The following MBNL2 variants were observed in gnomAD, a reference collection of about 807,000 sequenced individuals.
MBNL2 encodes muscleblind like splicing regulator 2.
MBNL2 carries 17 observed loss-of-function variants against 41.9 expected under a neutral mutation model. The observed-to-expected ratio is 0.41, with a 90% CI of 0.28 to 0.61. The LOEUF is 0.61. Ranked by LOEUF, MBNL2 falls within the 20% of genes least tolerant of loss-of-function variation. MBNL2 has a pLI of 0.35. For synonymous variants in MBNL2, 195 were observed against 182.9 expected, an observed-to-expected ratio of 1.07 and a Z score of -0.53; for missense variants, 336 against 505.6, an observed-to-expected ratio of 0.66 and a Z score of 3.22.
intron 8 of MBNL2, among the ~76,000 whole-genome samples, chr13:97,368,286 C>A (rs1030806338): frequency 6.6e-6 from 1 of 151,998 alleles, no homozygotes; most frequent in East Asian, 1.9e-4. Flanking sequence ...GGGTGCCATA[C>A]ACTGTAGTCC....
chr13:97,176,245 C>T, the MBNL2 span, among the ~76,000 whole-genome samples: 81 of 152,184 alleles, frequency 5.3e-4, 4 homozygotes, highest in South Asian at 0.014. Flanking sequence ...CTGTATAGTA[C>T]CCCTGGCATT....
At chr13:97,344,808 T>C (rs556288250) in intron 4 of MBNL2, among the ~76,000 whole-genome samples, 5 of 152,228 alleles carry the variant, frequency 3.3e-5, no homozygotes, top group Non-Finnish European at 7.3e-5. Flanking sequence ...GGGAACAAAT[T>C]GTCCTTCTCA....
At chr13:97,262,089 C>T (rs549139866) in intron 1 of MBNL2, among the ~76,000 whole-genome samples, 19 of 152,350 alleles carry the variant, frequency 1.2e-4, no homozygotes, top group Non-Finnish European at 2.2e-4. Flanking sequence ...TTAAAACTCT[C>T]TTTACAAACC....
chr13:97,227,144 T>C (rs1489498703), intron 1 of MBNL2, among the ~76,000 whole-genome samples: 1 of 151,546 alleles, frequency 6.6e-6, no homozygotes, highest in African/African-American at 2.4e-5. Context: ...TCACAGTTAG[T>C]GTGTATTCTC....
Position 97,286,957 on chromosome 13 carries a change from A to G in MBNL2, c.174+10548A>G, listed in dbSNP as rs567716072. Among the ~76,000 whole-genome samples, 5 of 152,340 alleles carry G rather than the reference A, an allele frequency of 3.3e-5. 1 individual carries two copies. The highest frequency in any genetic ancestry group is 1.2e-4 in the African/African-American group (5 of 41,570). ...TGTTGTATCCCTGTGCCTGGCAGCT[A>G]CTGGCTGTACACCCATACTTGCTAG... On this transcript the variant is annotated intron_variant, in intron 2 of 8. Coordinates refer to ENST00000679496, the MANE Select transcript of MBNL2 (RefSeq NM_001382683.1).
chr13:97,186,715 C>A, the MBNL2 span, among the ~76,000 whole-genome samples: 3 of 152,160 alleles, frequency 2.0e-5, no homozygotes, highest in Non-Finnish European at 4.4e-5. Flanking sequence ...CACAGCAAAT[C>A]ATCGTTTTAA....
chr13:97,313,509 G>C (rs1002232440), intron 2 of MBNL2, among the ~76,000 whole-genome samples: 1 of 151,910 alleles, frequency 6.6e-6, no homozygotes, highest in Non-Finnish European at 1.5e-5. Flanking sequence ...GACATTGTGA[G>C]ATTAAATGGG....
intron 2 of MBNL2, among the ~76,000 whole-genome samples, chr13:97,330,041 C>T (rs2060298882): frequency 6.6e-6 from 1 of 152,164 alleles, no homozygotes; most frequent in African/African-American, 2.4e-5. Flanking sequence ...ATCTGTCTTC[C>T]CCACAAGACT....
chr13:97,346,753 C>G lies in MBNL2; in HGVS notation c.541-51C>G. 2.6e-6 allele frequency: 4 copies of G among 1,559,314 alleles called. No homozygotes were observed. Among genetic ancestry groups the G allele is most frequent in the South Asian group, 1.2e-5 (1 of 85,638 alleles). On this transcript the variant is annotated intron_variant, in intron 4 of 8. Transcript: ENST00000679496. This position sits in a 1 kb window ranked among gnomAD's most constrained non-coding sequence, Gnocchi z 4.2. ...CCCGCGGTGGCCGGGGCCGCAGGGG[C>G]GCCTGGGCTCAGGCTTGCCTCTGCA... is the stretch of plus-strand genomic sequence containing the variant.
chr13:97,261,608 G>A (rs2048643969), intron 1 of MBNL2, among the ~76,000 whole-genome samples: 2 of 152,082 alleles, frequency 1.3e-5, no homozygotes, highest in South Asian at 4.1e-4. Context: ...GTGCCTCCTG[G>A]GCCACTTGAG....
At chr13:97,383,840 T>C (rs970302930) in intron 8 of MBNL2, among the ~76,000 whole-genome samples, 5 of 152,130 alleles carry the variant, frequency 3.3e-5, no homozygotes, top group African/African-American at 1.2e-4. Flanking sequence ...GAATAATGAA[T>C]CAGACTATTT....
At chr13:97,250,591 T>G (rs1471111555) in intron 1 of MBNL2, among the ~76,000 whole-genome samples, 2 of 152,236 alleles carry the variant, frequency 1.3e-5, no homozygotes, top group Admixed American at 6.5e-5. Flanking sequence ...CCTTTTAGTA[T>G]GCAGAATCTT....
intron 8 of MBNL2, among the ~76,000 whole-genome samples, chr13:97,374,217 G>A (rs1410565529): frequency 1.3e-5 from 2 of 151,600 alleles, no homozygotes; most frequent in African/African-American, 4.8e-5. Flanking sequence ...GCGCGATCTC[G>A]GCTCACTGCC....
chr13:97,322,207 C>A (rs559869530), intron 2 of MBNL2, among the ~76,000 whole-genome samples: 72 of 152,134 alleles, frequency 4.7e-4, no homozygotes, highest in Non-Finnish European at 7.9e-4. Context: ...CTCTGCTCTG[C>A]ATAGCCTTCC....
chr13:97,143,968 C>T, the MBNL2 span, among the ~76,000 whole-genome samples: 2 of 151,706 alleles, frequency 1.3e-5, no homozygotes, highest in East Asian at 1.9e-4. Flanking sequence ...CTCAGCCTCC[C>T]GAGTAGCTGG....
At chr13:97,311,045 C>T (rs2058562765) in intron 2 of MBNL2, among the ~76,000 whole-genome samples, 1 of 152,072 alleles carries the variant, frequency 6.6e-6, no homozygotes, top group Non-Finnish European at 1.5e-5. Flanking sequence ...ATTCAAGACA[C>T]ATTAAAAGCC....
the MBNL2 span, among the ~76,000 whole-genome samples, chr13:97,181,454 C>T: frequency 3.3e-5 from 5 of 152,100 alleles, no homozygotes; most frequent in Non-Finnish European, 7.4e-5. Context: ...GAATCAAACT[C>T]AGAAACATAG....
At chr13:97,388,557 A>G (rs1006572823) in intron 8 of MBNL2, among the ~76,000 whole-genome samples, 9 of 152,002 alleles carry the variant, frequency 5.9e-5, no homozygotes, top group Admixed American at 3.9e-4. Flanking sequence ...TTGGCTTTCC[A>G]CTTTCCTCCT....
rs1476651088 is a variant in MBNL2 at position 97,393,561 on chromosome 13, C to A, written c.*2112C>A. 1 of 152,336 alleles carries A rather than the reference C, an allele frequency of 6.6e-6. No individual in the cohort carries two copies. The highest frequency in any genetic ancestry group is 2.4e-5 in the African/African-American group (1 of 41,380). 9.4% of individuals were successfully genotyped at this position (152,336 alleles called of 1,614,324 possible). ...TTTCCAGAATTGTGATTACAATATG[C>A]AAAGAGTCATAAATATGCCATTTAC... On this transcript the variant is annotated 3_prime_UTR_variant, in exon 9 of 9. Coordinates refer to ENST00000679496, the MANE Select transcript of MBNL2 (RefSeq NM_001382683.1).
Sources: gnomAD v4.1 joint callset for allele counts (sites outside exome capture counted in the v4.1 genomes callset) on GRCh38, gnomAD v4.1.1 for gene constraint, Gnocchi (gnomAD v3.1) non-coding constraint, MANE v1.5 for transcripts, NCBI Gene and HGNC (gene_info 2026-07-23, HGNC 2026-07-21) for gene names.